The following GREB1L variants were observed in gnomAD, a reference collection of about 807,000 sequenced individuals.
The protein encoded by GREB1L is GREB1-like protein.
Under a neutral mutation model 200.8 loss-of-function variants are expected in GREB1L, and 17 were observed. The ratio of observed to expected loss-of-function variants is 0.08; its 90% CI spans 0.06 to 0.13. The LOEUF (loss-of-function observed/expected upper bound fraction) is 0.13, where lower values mean the gene tolerates loss of function less well. GREB1L is among the 10% of genes least tolerant of loss of function. GREB1L has a pLI of 1.00. For missense variants in GREB1L, 1,657 were observed against 2,367.7 expected, an observed-to-expected ratio of 0.70 and a Z score of 6.23; for synonymous variants, 789 against 893.0, an observed-to-expected ratio of 0.88 and a Z score of 2.08.
intron 11 of GREB1L, among the ~76,000 whole-genome samples, chr18:21,448,605 G>C (rs1428196950): frequency 2.0e-5 from 3 of 152,194 alleles, no homozygotes; most frequent in Admixed American, 2.0e-4. Context: ...CAGACACTGA[G>C]GTGTCTGAGC....
chr18:21,317,969 A>C (rs1224446769), intron 1 of GREB1L, among the ~76,000 whole-genome samples: 1 of 152,198 alleles, frequency 6.6e-6, no homozygotes, highest in East Asian at 1.9e-4. Context: ...TTAGCCGGGT[A>C]TGGTGGCATG....
rs542466804 is a variant in GREB1L, at chr18:21,522,876, C to A, written c.*55C>A. On this transcript the variant is annotated 3_prime_UTR_variant, in exon 33 of 33. Transcript: ENST00000424526. ...ATGCCTAGGTGGGATGGGACAGAAACAATTTGGGATTTTTCTTTTTCCTTT... is the reference window on the plus strand; with the variant it reads ...ATGCCTAGGTGGGATGGGACAGAAAAAATTTGGGATTTTTCTTTTTCCTTT... 1 of 1,437,338 alleles carries A rather than the reference C, an allele frequency of 7.0e-7. No individual in the cohort carries two copies. The highest frequency in any genetic ancestry group is 9.3e-7 in the Non-Finnish European group (1 of 1,075,874). The allele number at this position is 1,437,338 out of a possible 1,614,324, so 89.0% of individuals were successfully genotyped here.
intron 1 of GREB1L, among the ~76,000 whole-genome samples, chr18:21,310,428 CAAAG>C (rs1211840704): frequency 6.6e-6 from 1 of 152,100 alleles, no homozygotes; most frequent in Admixed American, 6.6e-5. Context: ...AATGTAATGA[CAAAG>C]ATATAATTGT....
intron 15 of GREB1L, among the ~76,000 whole-genome samples, chr18:21,456,008 A>G (rs1372535293): frequency 6.6e-6 from 1 of 150,954 alleles, no homozygotes; most frequent in Admixed American, 6.6e-5. Context: ...GGTTCAAGCA[A>G]TTCTCCTGCC....
intron 21 of GREB1L, 100 bp from the exon 22 acceptor site, chr18:21,499,629 C>T (rs1383985369): frequency 1.3e-6 from 1 of 786,924 alleles, no homozygotes; most frequent in East Asian, 2.7e-5. Context: ...AGCCGCGGAG[C>T]CGAGCCCAGT....
At chr18:21,494,475 G>A (rs549570309) in intron 19 of GREB1L, among the ~76,000 whole-genome samples, 1 of 152,182 alleles carries the variant, frequency 6.6e-6, no homozygotes, top group African/African-American at 2.4e-5. Context: ...TTTGCTTGGT[G>A]ACTTTCTTTT....
intron 1 of GREB1L, among the ~76,000 whole-genome samples, chr18:21,263,837 G>A (rs542549776): frequency 1.3e-5 from 2 of 152,300 alleles, no homozygotes; most frequent in African/African-American, 4.8e-5. Context: ...ATAGAGATCA[G>A]AGAGTAGTTA....
In GREB1L at chr18:21,516,749, A is replaced by G. The variant is rs191400472; in HGVS notation, c.5266A>G (p.Ile1756Val). Residue 1756 changes from isoleucine (I) to valine (V), a missense_variant, in exon 30 of 33, where the codon ATC becomes GTC. Ile to Val is a conservative substitution (Grantham distance 29). This residue lies in a region of GREB1L where 190 missense variants were observed against 230.2 expected (regional missense o/e 0.83). Coordinates refer to ENST00000424526, the MANE Select transcript of GREB1L (RefSeq NM_001142966.3). ...AAGGGACTTTATCATTAAACCAAAG[A>G]TCATGGTGAGTACCGCAAGCTTGAT... is the stretch of plus-strand genomic sequence containing the variant. The part of the protein sequence containing the change: ...GQRDFIIKPK[I>V]MVSESLAPIL... The G allele has an allele frequency of 5.0e-5, 78 of 1,551,506 alleles. No individual in the cohort carries two copies. In the African/African-American group the frequency reaches 1.1e-3, roughly 21 times the overall value.
intron 1 of GREB1L, among the ~76,000 whole-genome samples, chr18:21,352,292 A>G (rs1252868592): frequency 6.6e-6 from 1 of 152,172 alleles, no homozygotes; most frequent in Non-Finnish European, 1.5e-5. Context: ...TTTATCTACA[A>G]TAAACCTACT....
chr18:21,277,689 G>A (rs1289421531), intron 1 of GREB1L, among the ~76,000 whole-genome samples: 1 of 152,044 alleles, frequency 6.6e-6, no homozygotes, highest in South Asian at 2.1e-4. Context: ...ATCTCAAACT[G>A]AACATAGTCA....
At chr18:21,284,554 T>A (rs1394173631) in intron 1 of GREB1L, among the ~76,000 whole-genome samples, 1 of 152,238 alleles carries the variant, frequency 6.6e-6, no homozygotes, top group Non-Finnish European at 1.5e-5. Context: ...CCACATTTTG[T>A]TTATTCTTCA....
chr18:21,376,820 A>G (rs2040095546), intron 2 of GREB1L, among the ~76,000 whole-genome samples: 1 of 151,112 alleles, frequency 6.6e-6, no homozygotes, highest in Non-Finnish European at 1.5e-5. Flanking sequence ...CTCAAAAAAA[A>G]AAAAAAAAAA....
intron 2 of GREB1L, among the ~76,000 whole-genome samples, chr18:21,376,875 A>G (rs2040099779): frequency 6.6e-6 from 1 of 151,294 alleles, no homozygotes; most frequent in Non-Finnish European, 1.5e-5. Context: ...TATGTATTGT[A>G]TGTATCTGGC....
At position 21,525,802 on chromosome 18, in the gene GREB1L, T is replaced by TAACA. The variant is rs1555666482; in HGVS notation, c.*2983_*2986dup. ...AAAAAATTTTACCAACTTTTGAGAA[T>TAACA]AACAACTTTGTTGTCCCAGAAAAAT... On this transcript the variant is annotated 3_prime_UTR_variant, in exon 33 of 33. Coordinates refer to ENST00000424526, the MANE Select transcript of GREB1L (RefSeq NM_001142966.3). 6.6e-6 allele frequency among the ~76,000 whole-genome samples: 1 copy of TAACA among 152,184 alleles called. No individual in the cohort carries two copies. The highest frequency in any genetic ancestry group is 1.9e-4 in the East Asian group (1 of 5,196).
At chr18:21,393,202 C>G (rs1438298326) in intron 4 of GREB1L, among the ~76,000 whole-genome samples, 1 of 152,144 alleles carries the variant, frequency 6.6e-6, no homozygotes, top group African/African-American at 2.4e-5. Context: ...ATGGTTTTTC[C>G]CTACTTTGTA....
chr18:21,439,652 G>C lies in GREB1L; in HGVS notation c.949+15G>C, dbSNP rs760711686. The C allele has an allele frequency of 1.4e-6, 2 of 1,439,872 alleles. No individual in the cohort carries two copies. The highest frequency in any genetic ancestry group is 1.9e-6 in the Non-Finnish European group (2 of 1,044,208). 89.2% of individuals were successfully genotyped at this position (1,439,872 alleles called of 1,614,324 possible). A position where few individuals can be genotyped will look rare whatever the true frequency, so the allele number is the denominator to read the frequency against. Reference sequence around the variant, plus strand: ...AGGAGATCAAGGTACAATGCCTGTCGTAGAGTTTTGTAATAATGCACTTAC... The same window carrying C: ...AGGAGATCAAGGTACAATGCCTGTCCTAGAGTTTTGTAATAATGCACTTAC... On this transcript the variant is annotated intron_variant, in intron 8 of 32. Coordinates refer to ENST00000424526, the MANE Select transcript of GREB1L (RefSeq NM_001142966.3).
chr18:21,459,279 C>CTTTTTTTTTTTTTTTTTTTTTTTTCT (rs746568414), intron 15 of GREB1L, among the ~76,000 whole-genome samples: 1 of 85,918 alleles, frequency 1.2e-5, no homozygotes, highest in African/African-American at 5.1e-5. Flanking sequence ...TTTTTCTTTA[C>CTTTTTTTTTTTTTTTTTTTTTTTTCT]TTTTTTTTTT....
At chr18:21,395,258 G>A (rs2041005873) in intron 4 of GREB1L, 127 bp from the exon 5 acceptor site, 8 of 704,030 alleles carry the variant, frequency 1.1e-5, no homozygotes, top group East Asian at 5.5e-5. Context: ...GAGTATAGGG[G>A]TATAGGGACT....
At position 21,452,153 on chromosome 18, in the gene GREB1L, T is replaced by G. The variant is rs2034558476; in HGVS notation, c.1920T>G (p.Asp640Glu). The G allele has an allele frequency of 6.4e-7, 1 of 1,551,898 alleles. No individual in the cohort carries two copies. The highest frequency in any genetic ancestry group is 8.7e-7 in the Non-Finnish European group (1 of 1,146,962). ...RRGDSVVTPF[D>E]GDLNECVSPQ... ...GAGACAGTGTGGTTACCCCTTTCGA[T>G]GGAGACCTTAATGAATGTGTGTCAC... The change falls in exon 14 of 33, where the codon GAT becomes GAG. Residue 640 changes from aspartate to glutamate, a missense_variant. Asp to Glu is a conservative substitution (Grantham distance 45). Transcript: ENST00000424526.
Sources: allele counts gnomAD v4.1 joint callset (sites outside exome capture counted in the v4.1 genomes callset), GRCh38; gene constraint gnomAD v4.1.1; regional missense constraint gnomAD v4.1.1; transcripts MANE v1.5; gene names NCBI Gene and HGNC (gene_info 2026-07-23, HGNC 2026-07-21).